Variants in ZNF717 observed in about 807,000 individuals in gnomAD.
ZNF717 encodes krueppel-like factor X17.
ZNF717 carries 9 observed loss-of-function variants against 13.8 expected under a neutral mutation model. The ratio of observed to expected loss-of-function variants is 0.65; its 90% CI spans 0.39 to 1.14. The LOEUF is 1.14. Among genes scored for constraint, ZNF717 ranks in the 50% most tolerant of loss-of-function variants. ZNF717 has a pLI of 0.01. For synonymous variants in ZNF717, 327 were observed against 364.1 expected (o/e 0.90, Z 1.16); for missense variants, 1,040 against 1,080.7 (o/e 0.96, Z 0.53).
chr3:75,783,760 A>C lies in ZNF717; in HGVS notation c.-2-396T>G, dbSNP rs75466348. ...TTCCTATTAATATGTGGATTCCACA[A>C]ATAACTTCATATGAGTGTTCCCATG... On this transcript the variant is annotated intron_variant, in intron 1 of 4. Coordinates refer to ENST00000652011, the MANE Select transcript of ZNF717 (RefSeq NM_001290208.3). Among the ~76,000 whole-genome samples the C allele has an allele frequency of 4.6e-5, 7 of 152,376 alleles. No homozygotes were observed. The East Asian group carries it at 1.3e-3, about 29-fold the overall frequency.
intron 2 of ZNF717, among the ~76,000 whole-genome samples, chr3:75,764,548 CA>C (rs1943279040): frequency 6.6e-6 from 1 of 151,662 alleles, no homozygotes; most frequent in Non-Finnish European, 1.5e-5. Flanking sequence ...GATAAATGAT[CA>C]TGACCAAAAA....
intron 4 of ZNF717, among the ~76,000 whole-genome samples, chr3:75,720,787 A>G (rs1346323431): frequency 1.3e-5 from 2 of 152,262 alleles, no homozygotes; most frequent in Admixed American, 1.3e-4. Context: ...GTTCAAGGCC[A>G]GCCTAGTCAA....
chr3:75,735,443 C>G (rs1302674091), downstream of ZNF717, among the ~76,000 whole-genome samples: 1 of 152,078 alleles, frequency 6.6e-6, no homozygotes, highest in Admixed American at 6.6e-5. Flanking sequence ...CTGAGCAATA[C>G]AGTGAGACCC....
chr3:75,713,465 T>C (rs1937985614), intron 5 of ZNF717, among the ~76,000 whole-genome samples: 1 of 152,098 alleles, frequency 6.6e-6, no homozygotes. Context: ...TTAATTAGAA[T>C]TTTAAACTTG....
chr3:75,758,877 C>T (rs1942726536), intron 2 of ZNF717, among the ~76,000 whole-genome samples: 1 of 152,042 alleles, frequency 6.6e-6, no homozygotes, highest in Admixed American at 6.6e-5. Context: ...GTGGCACGCA[C>T]CTGTAGTCCC....
chr3:75,731,094 A>C (rs1282503639), downstream of ZNF717, among the ~76,000 whole-genome samples: 21 of 152,108 alleles, frequency 1.4e-4, no homozygotes, highest in Non-Finnish European at 2.5e-4. Context: ...TACAAAAATT[A>C]GGCTGGGCAT....
chr3:75,767,399 C>T (rs1426637148), intron 2 of ZNF717, among the ~76,000 whole-genome samples: 1 of 152,272 alleles, frequency 6.6e-6, no homozygotes, highest in Non-Finnish European at 1.5e-5. Flanking sequence ...TTTAAGCTGC[C>T]AAGTTTTGGG....
Position 75,742,339 on chromosome 3 carries a change from A to AAAAAAAAAAAAAAG in ZNF717, c.58-604_58-603insCTTTTTTTTTTTTT, listed in dbSNP as rs751643617. Among the ~76,000 whole-genome samples, 3 of 137,372 alleles carry AAAAAAAAAAAAAAG rather than the reference A, an allele frequency of 2.2e-5. 1 individual carries two copies. Among genetic ancestry groups the AAAAAAAAAAAAAAG allele is most frequent in the Non-Finnish European group, 1.5e-5 (1 of 65,282 alleles). 90.1% of individuals were successfully genotyped at this position (137,372 alleles called of 152,430 possible). On this transcript the variant is annotated intron_variant, in intron 2 of 4. Transcript: ENST00000652011. ...TACCTCTCAAAAAAAAAAAAAAAAA[A>AAAAAAAAAAAAAAG]GAATAAAATTCTACTCCTCAAAGGA...
chr3:75,764,328 G>A (rs1409377507), intron 2 of ZNF717, among the ~76,000 whole-genome samples: 1 of 152,118 alleles, frequency 6.6e-6, no homozygotes, highest in Non-Finnish European at 1.5e-5. Context: ...GCAGTTCCCA[G>A]GCCTCAGTAG....
In ZNF717 at chr3:75,737,222, G is replaced by A. The variant is rs1228411836; in HGVS notation, c.2401C>T (p.Leu801Phe). 14 of 1,553,562 alleles carry A rather than the reference G, an allele frequency of 9.0e-6. No individual in the cohort carries two copies. Among genetic ancestry groups the A allele is most frequent in the Non-Finnish European group, 1.1e-5 (13 of 1,148,308 alleles). Residue 801 changes from leucine to phenylalanine, a missense_variant, in exon 5 of 5, where the codon CTC (leucine) becomes TTC (phenylalanine). Physicochemically the swap from Leu to Phe is conservative, Grantham distance 22. Transcript: ENST00000652011. ...GTGTGAGTTCTCTGATGTATGGTGA[G>A]AACTGTCTTATCGTAAAAAGTTTTC... ...CRKTFYDKTV[L>F]TIHQRTHTGE...
downstream of ZNF717, among the ~76,000 whole-genome samples, chr3:75,734,235 A>T (rs143008283): frequency 6.6e-6 from 1 of 151,136 alleles, no homozygotes; most frequent in Non-Finnish European, 1.5e-5. Context: ...CGCCTGGCTA[A>T]TTTTTTTGTA....
At position 75,737,233 on chromosome 3, in the gene ZNF717, T is replaced by G. The variant is rs1271877021; in HGVS notation, c.2390A>C (p.Asp797Ala). 3.2e-6 allele frequency: 5 copies of G among 1,552,944 alleles called. No homozygotes were observed. In the South Asian group the frequency reaches 5.9e-5, roughly 18 times the overall value. Reference sequence around the variant, plus strand: ...CTGATGTATGGTGAGAACTGTCTTATCGTAAAAAGTTTTCCTACATTCATC... The same window carrying G: ...CTGATGTATGGTGAGAACTGTCTTAGCGTAAAAAGTTTTCCTACATTCATC... ...ECDECRKTFY[D>A]KTVLTIHQRT... The change falls in exon 5 of 5, where the codon GAT becomes GCT. Residue 797 changes from aspartate to alanine, a missense_variant. By Grantham distance (126) the Asp-to-Ala change is moderately radical. This residue lies in a region of ZNF717 where 873 missense variants were observed against 832.8 expected (regional missense o/e 1.05). Transcript: ENST00000652011.
chr3:75,779,582 A>C (rs886710090), intron 2 of ZNF717, among the ~76,000 whole-genome samples: 2 of 144,540 alleles, frequency 1.4e-5, no homozygotes, highest in African/African-American at 5.0e-5. Context: ...GACGTGCTAA[A>C]ACCGCAACCC....
intron 2 of ZNF717, among the ~76,000 whole-genome samples, chr3:75,754,089 G>GT (rs1372662837): frequency 6.6e-6 from 1 of 152,220 alleles, no homozygotes; most frequent in East Asian, 1.9e-4. Context: ...GTGTCTGAAT[G>GT]TTTGACCTTC....
At chr3:75,764,990 G>GAT (rs71101852) in intron 2 of ZNF717, among the ~76,000 whole-genome samples, 2,561 of 101,538 alleles carry the variant, frequency 0.025, 30 homozygotes, top group East Asian at 0.051. Context: ...TAAACAAAAG[G>GAT]ATATATATAT....
intron 2 of ZNF717, among the ~76,000 whole-genome samples, chr3:75,779,400 GTGC>G (rs1944624673): frequency 1.3e-5 from 2 of 149,336 alleles, no homozygotes; most frequent in African/African-American, 5.0e-5. Context: ...TGGGAGTGAT[GTGC>G]TAAAACCGGA....
chr3:75,767,156 C>G, intron 2 of ZNF717, among the ~76,000 whole-genome samples: 1 of 152,368 alleles, frequency 6.6e-6, no homozygotes, highest in Non-Finnish European at 1.5e-5. Context: ...ATCCCACTTC[C>G]CTGAGACCCC....
Position 75,737,265 on chromosome 3 carries a change from A to G in ZNF717, c.2358T>C (p.Tyr786=). The stretch of plus-strand genomic sequence containing the variant: ...AAGTTTTCCTACATTCATCACATTC[A>G]TAGGGTTTCTCTCCTGAGTGAGTCC... ...HQGTHSGEKP[Y]ECDECRKTFY... The change falls in exon 5 of 5, where the codon TAT becomes TAC. Residue 786 remains tyrosine, a synonymous_variant. Transcript: ENST00000652011. The G allele has an allele frequency of 1.3e-6, 2 of 1,552,608 alleles. No individual in the cohort carries two copies. The highest frequency in any genetic ancestry group is 2.4e-5 in the East Asian group (1 of 40,924).
At chr3:75,748,456 A>G (rs1321082222) in intron 2 of ZNF717, among the ~76,000 whole-genome samples, 3 of 152,122 alleles carry the variant, frequency 2.0e-5, no homozygotes, top group Non-Finnish European at 2.9e-5. Flanking sequence ...TACTTGCAAA[A>G]CCTAATCCAG....
Sources: gnomAD v4.1 joint callset for allele counts (sites outside exome capture counted in the v4.1 genomes callset) on GRCh38, gnomAD v4.1.1 for gene constraint, gnomAD v4.1.1 regional missense constraint, MANE v1.5 for transcripts, NCBI Gene and HGNC (gene_info 2026-07-23, HGNC 2026-07-21) for gene names.